NKAIN3: variants seen among roughly 807,000 people sequenced by gnomAD.
NKAIN3 encodes sodium/potassium transporting ATPase interacting 3, also known as sodium/potassium-transporting ATPase subunit beta-1-interacting protein 3.
Under a neutral mutation model 30.2 loss-of-function variants are expected in NKAIN3, and 25 were observed. The ratio of observed to expected loss-of-function variants is 0.83; its 90% CI spans 0.60 to 1.16. The LOEUF (loss-of-function observed/expected upper bound fraction) is 1.16. Among genes scored for constraint, NKAIN3 ranks in the 50% most tolerant of loss-of-function variants. NKAIN3 has a pLI of 0.00. For missense variants in NKAIN3, 225 were observed against 254.1 expected, an observed-to-expected ratio of 0.89 and a Z score of 0.78; for synonymous variants, 91 against 89.6, an observed-to-expected ratio of 1.02 and a Z score of -0.09.
intron 1 of NKAIN3, among the ~76,000 whole-genome samples, chr8:62,325,567 C>T (rs905948587): frequency 6.6e-6 from 1 of 152,054 alleles, no homozygotes; most frequent in Admixed American, 6.6e-5. Flanking sequence ...AACTGTTTTC[C>T]ACAGTGTTTG....
intron 1 of NKAIN3, among the ~76,000 whole-genome samples, chr8:62,440,606 GT>G (rs779797943): frequency 2.0e-5 from 3 of 151,926 alleles, no homozygotes; most frequent in Non-Finnish European, 2.9e-5. Context: ...TGATTCTCAA[GT>G]TTTTGTTACC....
At position 62,853,883 on chromosome 8, in the gene NKAIN3, A is replaced by G. The variant is rs1473657400; in HGVS notation, c.472-64570A>G. Among the ~76,000 whole-genome samples, 17 of 152,192 alleles carry G rather than the reference A, an allele frequency of 1.1e-4. 1 individual carries two copies. The highest frequency in any genetic ancestry group is 1.1e-3 in the Admixed American group (17 of 15,278). On this transcript the variant is annotated intron_variant, in intron 4 of 6. Coordinates refer to ENST00000623646, the MANE Select transcript of NKAIN3 (RefSeq NM_001304533.3). ...ACACTGCTTTATCTACATCCCACAC[A>G]TGCTGGTACATTGTATCTTTGCTCT...
intron 1 of NKAIN3, among the ~76,000 whole-genome samples, chr8:62,303,889 AC>A (rs1377418579): frequency 2.7e-5 from 4 of 150,574 alleles, no homozygotes; most frequent in Admixed American, 2.6e-4. Flanking sequence ...TTGTTACAGT[AC>A]TATAAGTTTA....
chr8:62,833,492 C>T (rs982564169), intron 4 of NKAIN3, among the ~76,000 whole-genome samples: 3 of 151,864 alleles, frequency 2.0e-5, no homozygotes, highest in African/African-American at 7.2e-5. Flanking sequence ...ACAAAGTTGA[C>T]ATTACAACCA....
At chr8:62,992,826 G>A (rs1192028763) in intron 5 of NKAIN3, among the ~76,000 whole-genome samples, 1 of 150,350 alleles carries the variant, frequency 6.7e-6, no homozygotes, top group Non-Finnish European at 1.5e-5. Flanking sequence ...ATTTTTTTCT[G>A]GTTGGGGAAA....
intron 1 of NKAIN3, among the ~76,000 whole-genome samples, chr8:62,404,889 G>A (rs1804013339): frequency 2.0e-5 from 3 of 152,002 alleles, no homozygotes; most frequent in Admixed American, 2.0e-4. Flanking sequence ...CACATCTCTG[G>A]GTCTCACCTA....
chr8:62,428,245 G>T (rs1201798711), intron 1 of NKAIN3, among the ~76,000 whole-genome samples: 1 of 151,828 alleles, frequency 6.6e-6, no homozygotes, highest in Non-Finnish European at 1.5e-5. Flanking sequence ...TTCATCCATT[G>T]AAGGGCACAT....
chr8:62,379,586 T>A (rs1481755688), intron 1 of NKAIN3, among the ~76,000 whole-genome samples: 1 of 152,146 alleles, frequency 6.6e-6, no homozygotes, highest in African/African-American at 2.4e-5. Context: ...TCTCACAAGA[T>A]CTGATGGTTT....
chr8:62,877,849 T>G (rs1023299576), intron 4 of NKAIN3, among the ~76,000 whole-genome samples: 39 of 152,092 alleles, frequency 2.6e-4, no homozygotes, highest in African/African-American at 8.5e-4. Flanking sequence ...AAGACCAGCC[T>G]GACCAACATG....
At chr8:62,398,103 G>A (rs557656864) in intron 1 of NKAIN3, among the ~76,000 whole-genome samples, 6 of 152,292 alleles carry the variant, frequency 3.9e-5, no homozygotes, top group African/African-American at 1.4e-4. Flanking sequence ...GAAGCAGGCT[G>A]AGGAGATGAA....
At chr8:62,702,886 A>T (rs905847266) in intron 3 of NKAIN3, among the ~76,000 whole-genome samples, 1 of 152,206 alleles carries the variant, frequency 6.6e-6, no homozygotes, top group African/African-American at 2.4e-5. Context: ...TATTATGACC[A>T]CATATACAAC....
intron 4 of NKAIN3, among the ~76,000 whole-genome samples, chr8:62,907,688 C>T (rs1276506285): frequency 6.6e-6 from 1 of 152,168 alleles, no homozygotes; most frequent in East Asian, 1.9e-4. Flanking sequence ...AGCCCCTAGC[C>T]TTGGCAGCAT....
intron 2 of NKAIN3, among the ~76,000 whole-genome samples, chr8:62,581,168 A>AAAATAAAAT (rs1317900435): frequency 7.3e-6 from 1 of 136,268 alleles, no homozygotes; most frequent in African/African-American, 2.6e-5. Context: ...AAAATAAAAT[A>AAAATAAAAT]AAAATACAGT....
In NKAIN3 at chr8:62,747,114, C is replaced by T. The variant is rs1223124461; in HGVS notation, c.456C>T (p.Val152=). Residue 152 remains valine, a synonymous_variant, in exon 4 of 7, where the codon GTC becomes GTT. Coordinates refer to ENST00000623646, the MANE Select transcript of NKAIN3 (RefSeq NM_001304533.3). ...FQYLEVIHSA[V]QILLSLVGFV... is the part of the protein sequence containing the mutation. The stretch of plus-strand genomic sequence containing the variant: ...ACCTGGAGGTCATCCACAGTGCTGT[C>T]CAAATACTACTCTCTGTAAGTGTCA... The T allele has an allele frequency of 6.2e-7, 1 of 1,603,934 alleles. No homozygotes were observed. Among genetic ancestry groups the T allele is most frequent in the East Asian group, 2.2e-5 (1 of 44,720 alleles).
intron 4 of NKAIN3, among the ~76,000 whole-genome samples, chr8:62,751,115 C>T (rs1816269002): frequency 6.6e-6 from 1 of 152,120 alleles, no homozygotes; most frequent in South Asian, 2.1e-4. Flanking sequence ...TGACCTGCGC[C>T]AGCCTAACTC....
chr8:62,829,764 A>ATAGG (rs1819139010), intron 4 of NKAIN3, among the ~76,000 whole-genome samples: 1 of 152,000 alleles, frequency 6.6e-6, no homozygotes, highest in Non-Finnish European at 1.5e-5. Flanking sequence ...AGATAGATAG[A>ATAGG]TAGATCTATT....
chr8:62,874,304 A>G (rs1820731192), intron 4 of NKAIN3, among the ~76,000 whole-genome samples: 1 of 152,158 alleles, frequency 6.6e-6, no homozygotes, highest in Non-Finnish European at 1.5e-5. Context: ...CCCTGAGTAG[A>G]CCAATAACAA....
rs571165609 is a variant in NKAIN3, at chr8:62,533,995, C to T, written c.55-45544C>T. ...GCAAGTCCCTTTCTGTGATTGTCTC[C>T]GGCTGACTTCAGACGCAACATTACC... On this transcript the variant is annotated intron_variant, in intron 1 of 6. Coordinates refer to ENST00000623646, the MANE Select transcript of NKAIN3 (RefSeq NM_001304533.3). 6.6e-5 allele frequency among the ~76,000 whole-genome samples: 10 copies of T among 152,182 alleles called. No individual in the cohort carries two copies. The East Asian group carries it at 1.2e-3, about 18-fold the overall frequency.
intron 4 of NKAIN3, among the ~76,000 whole-genome samples, chr8:62,789,145 T>C (rs1817623913): frequency 6.6e-6 from 1 of 152,146 alleles, no homozygotes; most frequent in African/African-American, 2.4e-5. Context: ...TTTCACAATA[T>C]TGATTCTTCC....
Sources: allele counts gnomAD v4.1 joint callset (sites outside exome capture counted in the v4.1 genomes callset), GRCh38; gene constraint gnomAD v4.1.1; transcripts MANE v1.5; gene names NCBI Gene and HGNC (gene_info 2026-07-23, HGNC 2026-07-21).